FLRT2: variants seen among roughly 807,000 people sequenced by gnomAD.
The protein encoded by FLRT2 is leucine-rich repeat transmembrane protein FLRT2.
A neutral mutation model predicts 40.0 loss-of-function variants in FLRT2; 15 were observed. The observed-to-expected ratio is 0.38, with a 90% CI of 0.25 to 0.58. The LOEUF is 0.58. Among genes scored for constraint, FLRT2 ranks in the 20% least tolerant of loss-of-function variants. The pLI is 0.71. For missense variants in FLRT2, 726 were observed against 840.0 expected (o/e 0.86, Z 1.68); for synonymous variants, 380 against 336.8 (o/e 1.13, Z -1.41).
chr14:85,599,021 C>T (rs1161674512), intron 1 of FLRT2, among the ~76,000 whole-genome samples: 1 of 151,342 alleles, frequency 6.6e-6, no homozygotes, highest in African/African-American at 2.4e-5. Context: ...GGATTCAACC[C>T]ATTGTCCTGC....
intron 1 of FLRT2, among the ~76,000 whole-genome samples, chr14:85,586,920 GA>G (rs2139884305): frequency 6.6e-6 from 1 of 152,250 alleles, no homozygotes; most frequent in East Asian, 1.9e-4. Flanking sequence ...GGTTGACGTG[GA>G]AAGATAAGCT....
At chr14:85,537,595 A>G (rs1201994240) in intron 1 of FLRT2, among the ~76,000 whole-genome samples, 1 of 150,884 alleles carries the variant, frequency 6.6e-6, no homozygotes, top group Non-Finnish European at 1.5e-5. Flanking sequence ...TGTTTATAGT[A>G]AAACACACAC....
At chr14:85,593,529 G>C (rs535452086) in intron 1 of FLRT2, among the ~76,000 whole-genome samples, 1 of 152,270 alleles carries the variant, frequency 6.6e-6, no homozygotes, top group Non-Finnish European at 1.5e-5. Context: ...GGTTTTCAAT[G>C]TCATGTACTT....
intron 1 of FLRT2, among the ~76,000 whole-genome samples, chr14:85,586,317 C>G (rs1891611398): frequency 6.6e-6 from 1 of 151,860 alleles, no homozygotes; most frequent in Non-Finnish European, 1.5e-5. Flanking sequence ...GGCTTCAATC[C>G]CAGAGCACTC....
At chr14:85,569,291 G>A (rs1267472991) in intron 1 of FLRT2, among the ~76,000 whole-genome samples, 1 of 152,182 alleles carries the variant, frequency 6.6e-6, no homozygotes, top group African/African-American at 2.4e-5. Flanking sequence ...CAAGCCCACC[G>A]TGGGCAATGC....
rs1474988112 is a variant in FLRT2, at chr14:85,647,245, T to C, written c.*23748T>C. 6.6e-6 allele frequency: 1 copy of C among 152,090 alleles called. No homozygotes were observed. Among genetic ancestry groups the C allele is most frequent in the Non-Finnish European group, 1.5e-5 (1 of 68,030 alleles). 9.4% of individuals were successfully genotyped at this position (152,090 alleles called of 1,614,324 possible). ...ATCTATGTTTAGTATGCACAAGACA[T>C]ACTTATTTTACCTTTGCTTAATATG... is the stretch of plus-strand genomic sequence containing the variant. On this transcript the variant is annotated 3_prime_UTR_variant, in exon 2 of 2. Transcript: ENST00000330753.
intron 1 of FLRT2, among the ~76,000 whole-genome samples, chr14:85,611,664 G>A (rs1050076432): frequency 6.6e-6 from 1 of 152,200 alleles, no homozygotes; most frequent in Non-Finnish European, 1.5e-5. Flanking sequence ...AAGCTTGGGA[G>A]TGTAGCTAAG....
At chr14:85,539,263 G>T (rs1242575399) in intron 1 of FLRT2, among the ~76,000 whole-genome samples, 1 of 151,900 alleles carries the variant, frequency 6.6e-6, no homozygotes. Flanking sequence ...GGCTACTAAG[G>T]CTGGGCATTT....
chr14:85,539,247 G>GT (rs1218169929), intron 1 of FLRT2, among the ~76,000 whole-genome samples: 5 of 151,866 alleles, frequency 3.3e-5, no homozygotes, highest in African/African-American at 1.2e-4. Context: ...CCAGAAAGAA[G>GT]TTAAGGGCTA....
chr14:85,613,275 C>A (rs2139355950), intron 1 of FLRT2, among the ~76,000 whole-genome samples: 1 of 152,158 alleles, frequency 6.6e-6, no homozygotes, highest in African/African-American at 2.4e-5. Context: ...CTGAACAAAC[C>A]AAGTATGTTA....
intron 1 of FLRT2, among the ~76,000 whole-genome samples, chr14:85,538,737 T>C (rs1206789961): frequency 2.0e-5 from 3 of 152,126 alleles, no homozygotes; most frequent in African/African-American, 7.2e-5. Context: ...AAAAGAACAG[T>C]GGCTCCTAAA....
Position 85,642,976 on chromosome 14 carries a change from G to A in FLRT2, c.*19479G>A, listed in dbSNP as rs1270861529. 1 of 152,202 alleles carries A rather than the reference G, an allele frequency of 6.6e-6. No individual in the cohort carries two copies. Among genetic ancestry groups the A allele is most frequent in the Admixed American group, 6.5e-5 (1 of 15,272 alleles). The allele number at this position is 152,202 out of a possible 1,614,324, so 9.4% of individuals were successfully genotyped here. On this transcript the variant is annotated 3_prime_UTR_variant, in exon 2 of 2. Coordinates refer to ENST00000330753, the MANE Select transcript of FLRT2 (RefSeq NM_013231.6). ...AGGCTGTGAAGCCCAAGATCAAGTT[G>A]CCTGCAGATCTGGTGTCTGGTGATG...
At chr14:85,542,698 C>G (rs556495178) in intron 1 of FLRT2, among the ~76,000 whole-genome samples, 22 of 152,218 alleles carry the variant, frequency 1.4e-4, no homozygotes, top group African/African-American at 5.3e-4. Flanking sequence ...GTTTTGTACT[C>G]AGATAGGTAA....
At chr14:85,583,087 G>T (rs117300258) in intron 1 of FLRT2, among the ~76,000 whole-genome samples, 2,190 of 152,178 alleles carry the variant, frequency 0.014, 24 homozygotes, top group Middle Eastern at 0.027. Context: ...CTTGTGAAGG[G>T]TTAGGACTCT....
intron 1 of FLRT2, among the ~76,000 whole-genome samples, chr14:85,573,202 A>T (rs1890974064): frequency 6.6e-6 from 1 of 152,036 alleles, no homozygotes; most frequent in Non-Finnish European, 1.5e-5. Flanking sequence ...TATATCACAG[A>T]GAAAAAAATC....
intron 1 of FLRT2, among the ~76,000 whole-genome samples, chr14:85,579,538 C>A (rs939469224): frequency 6.6e-6 from 1 of 152,152 alleles, no homozygotes; most frequent in African/African-American, 2.4e-5. Context: ...CTGTTGTCCT[C>A]TCTTTTCTAG....
At chr14:85,608,875 A>G (rs181402487) in intron 1 of FLRT2, among the ~76,000 whole-genome samples, 8 of 152,312 alleles carry the variant, frequency 5.3e-5, no homozygotes, top group Admixed American at 4.6e-4. Flanking sequence ...CTAATTGTTC[A>G]AAAGCTACAA....
At chr14:85,581,827 G>C (rs182930040) in intron 1 of FLRT2, among the ~76,000 whole-genome samples, 1 of 152,156 alleles carries the variant, frequency 6.6e-6, no homozygotes, top group East Asian at 1.9e-4. Flanking sequence ...CTTGGTGTAA[G>C]GTTTGGAATC....
chr14:85,605,624 G>A (rs2746999), intron 1 of FLRT2, among the ~76,000 whole-genome samples: 125,113 of 151,854 alleles, frequency 0.82, 51,585 homozygotes, highest in East Asian at 0.88. Context: ...CAAAAAATTA[G>A]CTGGGCGTGG....
Sources: gnomAD v4.1 joint callset for allele counts (sites outside exome capture counted in the v4.1 genomes callset) on GRCh38, gnomAD v4.1.1 for gene constraint, MANE v1.5 for transcripts, NCBI Gene and HGNC (gene_info 2026-07-23, HGNC 2026-07-21) for gene names.